Variants in CACNA1B observed in about 807,000 individuals in gnomAD.
CACNA1B encodes voltage-dependent N-type calcium channel subunit alpha-1B.
Under a neutral mutation model 247.2 loss-of-function variants are expected in CACNA1B, and 70 were observed. The observed-to-expected ratio is 0.28, with a 90% CI of 0.23 to 0.35. CACNA1B has a LOEUF of 0.35. Ranked by LOEUF, CACNA1B falls within the 10% of genes least tolerant of loss-of-function variation. The pLI is 1.00. For synonymous variants in CACNA1B, 1,231 were observed against 1,294.4 expected, an observed-to-expected ratio of 0.95 and a Z score of 1.05; for missense variants, 2,367 against 3,197.4, an observed-to-expected ratio of 0.74 and a Z score of 6.26.
intron 42 of CACNA1B, among the ~76,000 whole-genome samples, 159 bp downstream of exon 42, chr9:138,115,838 A>G (rs891901007): frequency 1.3e-5 from 2 of 151,712 alleles, no homozygotes; most frequent in African/African-American, 2.4e-5. Context: ...CTGCCATCCG[A>G]CCCTGCACTT....
At chr9:138,095,965 T>G (rs1477109788) in intron 36 of CACNA1B, among the ~76,000 whole-genome samples, 3 of 151,854 alleles carry the variant, frequency 2.0e-5, no homozygotes, top group Non-Finnish European at 2.9e-5. Flanking sequence ...ATTGGGGTGG[T>G]GATTACCCAA....
intron 42 of CACNA1B, among the ~76,000 whole-genome samples, chr9:138,116,189 A>G (rs2739258): frequency 0.41 from 61,665 of 152,120 alleles, 15,080 homozygotes; most frequent in Non-Finnish European, 0.52. Flanking sequence ...CTTTCTGTCA[A>G]TGGCCTTCTA....
At chr9:138,070,662 T>C (rs1029672139) in intron 32 of CACNA1B, among the ~76,000 whole-genome samples, 1 of 152,202 alleles carries the variant, frequency 6.6e-6, no homozygotes, top group Non-Finnish European at 1.5e-5. Context: ...AAAATACCAT[T>C]TAATGCTGCA....
In CACNA1B at chr9:138,057,877, C is replaced by G; in HGVS notation, c.4106+8C>G. 1 of 1,598,754 alleles carries G rather than the reference C, an allele frequency of 6.3e-7. No individual in the cohort carries two copies. Among genetic ancestry groups the G allele is most frequent in the Non-Finnish European group, 8.6e-7 (1 of 1,168,160 alleles). On this transcript the variant is annotated splice_region_variant and intron_variant, in intron 27 of 46. Transcript: ENST00000371372. This position sits in a 1 kb window ranked among gnomAD's most constrained non-coding sequence, Gnocchi z 4.0. ...GGGAGAAGGCTGGCCCATGTGAGTGCTCATCCTGCTCTCCGTAGCTGGGGC... is the reference window on the plus strand; with the variant it reads ...GGGAGAAGGCTGGCCCATGTGAGTGGTCATCCTGCTCTCCGTAGCTGGGGC...
intron 36 of CACNA1B, among the ~76,000 whole-genome samples, chr9:138,090,289 G>A (rs937586529): frequency 6.6e-5 from 10 of 152,022 alleles, no homozygotes; most frequent in African/African-American, 2.2e-4. Flanking sequence ...AAAGCACCAA[G>A]AACATTTATT....
At chr9:138,025,439 T>C (rs1431443772) in intron 20 of CACNA1B, among the ~76,000 whole-genome samples, 1 of 152,196 alleles carries the variant, frequency 6.6e-6, no homozygotes, top group African/African-American at 2.4e-5. Context: ...GGTGCTGTGT[T>C]AGAGTGCTGA....
chr9:137,939,851 A>AAATAAATAAAT (rs1564198569), intron 6 of CACNA1B, among the ~76,000 whole-genome samples: 2 of 76,538 alleles, frequency 2.6e-5, no homozygotes, highest in Admixed American at 1.0e-4. Flanking sequence ...AATAAATAAA[A>AAATAAATAAAT]AAAAATAAAA....
rs1426053413 is a variant in CACNA1B at position 138,054,575 on chromosome 9, A to G, written c.3968+569A>G. 6.6e-6 allele frequency among the ~76,000 whole-genome samples: 1 copy of G among 152,178 alleles called. No homozygotes were observed. The highest frequency in any genetic ancestry group is 2.4e-5 in the African/African-American group (1 of 41,448). On this transcript the variant is annotated intron_variant, in intron 26 of 46. Coordinates refer to ENST00000371372, the MANE Select transcript of CACNA1B (RefSeq NM_000718.4). The surrounding 1 kb of genome is among the most constrained non-coding windows in gnomAD (Gnocchi z 4.6). The stretch of plus-strand genomic sequence containing the variant: ...TCCCAGCTGCTTCTGTGTGAATATC[A>G]TGCAGCTTCCTCCTGTGCCGTGTGA...
chr9:138,074,066 G>T lies in CACNA1B; in HGVS notation c.4857G>T (p.Gln1619His). 2 of 1,611,530 alleles carry T rather than the reference G, an allele frequency of 1.2e-6. No individual in the cohort carries two copies. Among genetic ancestry groups the T allele is most frequent in the Non-Finnish European group, 1.7e-6 (2 of 1,178,844 alleles). ...LFFIYAIIGM[Q>H]VFGNIALDDD... The stretch of plus-strand genomic sequence containing the variant: ...TCATCTACGCCATCATCGGCATGCA[G>T]GTGGGTGCTCCCCTTTGGGACAGAG... Residue 1619 changes from glutamine (Q) to histidine (H), a missense_variant and splice_region_variant, in exon 34 of 47, where the codon CAG becomes CAT. By Grantham distance (24) the Gln-to-His change is conservative (BLOSUM62 0). Coordinates refer to ENST00000371372, the MANE Select transcript of CACNA1B (RefSeq NM_000718.4).
chr9:137,955,438 C>T lies in CACNA1B; in HGVS notation c.1071-260C>T, dbSNP rs1328773010. Among the ~76,000 whole-genome samples, 1 of 152,208 alleles carries T rather than the reference C, an allele frequency of 6.6e-6. No homozygotes were observed. The highest frequency in any genetic ancestry group is 1.5e-5 in the Non-Finnish European group (1 of 68,042). ...GGACCAAGGCACCGTCCCTAAGTGC[C>T]ACGGGAGTCTGAGGATGGAGGGCCA... is the stretch of plus-strand genomic sequence containing the variant. On this transcript the variant is annotated intron_variant, in intron 7 of 46. Coordinates refer to ENST00000371372, the MANE Select transcript of CACNA1B (RefSeq NM_000718.4). This position sits in a 1 kb window ranked among gnomAD's most constrained non-coding sequence, Gnocchi z 6.9.
intron 6 of CACNA1B, among the ~76,000 whole-genome samples, chr9:137,948,292 A>C (rs1957821986): frequency 6.6e-6 from 1 of 152,120 alleles, no homozygotes; most frequent in Non-Finnish European, 1.5e-5. Context: ...TATTTCTTTA[A>C]ATACTGTCAG....
chr9:138,000,151 T>A (rs942964720), intron 15 of CACNA1B, among the ~76,000 whole-genome samples: 2 of 149,458 alleles, frequency 1.3e-5, no homozygotes, highest in African/African-American at 4.9e-5. Context: ...CAGGCTGGAG[T>A]GCAGTGGTGC....
At chr9:137,976,575 G>A (rs1301021938) in intron 12 of CACNA1B, among the ~76,000 whole-genome samples, 1 of 152,026 alleles carries the variant, frequency 6.6e-6, no homozygotes, top group African/African-American at 2.4e-5. Context: ...ACAGACGGCA[G>A]GGCAGGGCAG....
intron 6 of CACNA1B, among the ~76,000 whole-genome samples, chr9:137,949,288 G>A (rs544433800): frequency 0.096 from 862 of 9,012 alleles, 9 homozygotes; most frequent in African/African-American, 0.24. Context: ...GTGTGTTTGC[G>A]TGTCCTTTGT....
chr9:138,114,315 T>C, intron 40 of CACNA1B, 63 bp from the exon 41 acceptor site: 1 of 829,542 alleles, frequency 1.2e-6, no homozygotes, highest in South Asian at 1.5e-5. Flanking sequence ...CTTACTTCCA[T>C]ACCTTGTTTC....
chr9:137,948,288 T>A (rs1242722852), intron 6 of CACNA1B, among the ~76,000 whole-genome samples: 1 of 152,224 alleles, frequency 6.6e-6, no homozygotes, highest in African/African-American at 2.4e-5. Flanking sequence ...GCCGTATTTC[T>A]TTAAATACTG....
At chr9:138,074,220 C>T (rs1960232155) in intron 34 of CACNA1B, among the ~76,000 whole-genome samples, 154 bp downstream of exon 34, 1 of 151,894 alleles carries the variant, frequency 6.6e-6, no homozygotes, top group Non-Finnish European at 1.5e-5. Flanking sequence ...ACTTGCTGAA[C>T]TTACGTAATC....
At position 138,052,609 on chromosome 9, in the gene CACNA1B, T is replaced by C. The variant is rs1959334929; in HGVS notation, c.3807+421T>C. 6.6e-6 allele frequency among the ~76,000 whole-genome samples: 1 copy of C among 152,220 alleles called. No individual in the cohort carries two copies. Among genetic ancestry groups the C allele is most frequent in the African/African-American group, 2.4e-5 (1 of 41,454 alleles). On this transcript the variant is annotated intron_variant, in intron 25 of 46. Coordinates refer to ENST00000371372, the MANE Select transcript of CACNA1B (RefSeq NM_000718.4). The surrounding 1 kb of genome is among the most constrained non-coding windows in gnomAD (Gnocchi z 5.1). ...CTCATAGGGCCACGCTGAAACCTAG[T>C]AATTGTGAGCTTGTGCTAGGCCCTG...
At chr9:137,985,076 C>CA in intron 13 of CACNA1B, among the ~76,000 whole-genome samples, 1 of 152,282 alleles carries the variant, frequency 6.6e-6, no homozygotes, top group South Asian at 2.1e-4. Flanking sequence ...CTGCAGGGCC[C>CA]AACAAGCAGA....
Sources: gnomAD v4.1 joint callset for allele counts (sites outside exome capture counted in the v4.1 genomes callset) on GRCh38, gnomAD v4.1.1 for gene constraint, Gnocchi (gnomAD v3.1) non-coding constraint, MANE v1.5 for transcripts, NCBI Gene and HGNC (gene_info 2026-07-23, HGNC 2026-07-21) for gene names.